PRR16: variants seen among roughly 807,000 people sequenced by gnomAD.
The protein encoded by PRR16 is protein Largen.
PRR16 carries 6 observed loss-of-function variants against 18.2 expected under a neutral mutation model. That is an observed-to-expected ratio of 0.33 (90% CI 0.18 to 0.65). The LOEUF is 0.65. PRR16 is among the 30% of genes least tolerant of loss of function. The probability of loss-of-function intolerance (pLI) is 0.74; values close to 1 mark genes in which losing one functional copy is unlikely to be tolerated. For synonymous variants in PRR16, 151 were observed against 147.8 expected (o/e 1.02, Z -0.16); for missense variants, 412 against 376.6 (o/e 1.09, Z -0.78).
At chr5:120,647,278 T>A (rs899359819) in intron 1 of PRR16, among the ~76,000 whole-genome samples, 2 of 151,960 alleles carry the variant, frequency 1.3e-5, no homozygotes, top group Non-Finnish European at 2.9e-5. Flanking sequence ...TTTAACCATA[T>A]ATTTGTAGAA....
chr5:120,529,344 T>A (rs73266188), intron 1 of PRR16, among the ~76,000 whole-genome samples: 1,977 of 152,218 alleles, frequency 0.013, 44 homozygotes, highest in African/African-American at 0.045. Flanking sequence ...AGCTACCTAT[T>A]TTTTTCTTTC....
the PRR16 span, among the ~76,000 whole-genome samples, chr5:120,725,427 A>G: frequency 5.9e-5 from 9 of 151,656 alleles, no homozygotes; most frequent in Non-Finnish European, 1.0e-4. Context: ...AGTCCAAGGC[A>G]GGAGGAACAC....
the PRR16 span, among the ~76,000 whole-genome samples, chr5:120,707,668 C>T: frequency 6.6e-6 from 1 of 152,104 alleles, no homozygotes; most frequent in Non-Finnish European, 1.5e-5. Flanking sequence ...AGGAAATTTC[C>T]GTTTACCCTC....
At chr5:120,721,985 T>C in the PRR16 span, among the ~76,000 whole-genome samples, 1 of 152,050 alleles carries the variant, frequency 6.6e-6, no homozygotes, top group African/African-American at 2.4e-5. Context: ...TAAGCTGTCA[T>C]CTACATGAGG....
At chr5:120,525,185 A>T (rs2112658135) in intron 1 of PRR16, among the ~76,000 whole-genome samples, 1 of 152,196 alleles carries the variant, frequency 6.6e-6, no homozygotes, top group South Asian at 2.1e-4. Flanking sequence ...CTTCAAAGTG[A>T]TATGTAAATA....
At chr5:120,655,821 C>T (rs567443304) in intron 1 of PRR16, among the ~76,000 whole-genome samples, 50 of 151,468 alleles carry the variant, frequency 3.3e-4, no homozygotes, top group South Asian at 6.3e-4. Context: ...GTGAGACACC[C>T]TCTTGAAGAT....
intron 1 of PRR16, among the ~76,000 whole-genome samples, chr5:120,583,313 ATGTG>A (rs35255792): frequency 0.059 from 8,839 of 148,974 alleles, 312 homozygotes; most frequent in Admixed American, 0.11. Flanking sequence ...ATACAAAATA[ATGTG>A]TGTGTGTGTG....
the PRR16 span, among the ~76,000 whole-genome samples, chr5:120,708,590 A>T: frequency 6.6e-6 from 1 of 152,228 alleles, no homozygotes; most frequent in East Asian, 1.9e-4. Context: ...ATAAAAGGGA[A>T]AGTGTAAAGG....
intron 1 of PRR16, among the ~76,000 whole-genome samples, chr5:120,650,089 G>A (rs367808969): frequency 4.4e-4 from 66 of 151,700 alleles, no homozygotes; most frequent in South Asian, 1.5e-3. Flanking sequence ...GTGGCAGCGC[G>A]CGTCTGTAGT....
chr5:120,671,934 A>G (rs868522047), intron 1 of PRR16, among the ~76,000 whole-genome samples: 1 of 152,238 alleles, frequency 6.6e-6, no homozygotes, highest in Non-Finnish European at 1.5e-5. Context: ...AGAGTCTAAT[A>G]TAAAAACACT....
chr5:120,654,556 A>C (rs949738665), intron 1 of PRR16, among the ~76,000 whole-genome samples: 6 of 151,974 alleles, frequency 3.9e-5, no homozygotes, highest in Non-Finnish European at 8.8e-5. Context: ...AAGCTAAAAA[A>C]AATCTCAAAT....
At chr5:120,783,050 A>C in the PRR16 span, among the ~76,000 whole-genome samples, 5 of 152,172 alleles carry the variant, frequency 3.3e-5, no homozygotes, top group Non-Finnish European at 7.3e-5. Context: ...CAGATTCCTT[A>C]GGCAGTGCTC....
At chr5:120,588,104 C>G (rs922384360) in intron 1 of PRR16, among the ~76,000 whole-genome samples, 1 of 152,132 alleles carries the variant, frequency 6.6e-6, no homozygotes, top group East Asian at 1.9e-4. Flanking sequence ...GAAGATATAA[C>G]TGAATTGCTG....
chr5:120,616,617 C>T (rs754141767), intron 1 of PRR16, among the ~76,000 whole-genome samples: 1 of 152,110 alleles, frequency 6.6e-6, no homozygotes, highest in South Asian at 2.1e-4. Flanking sequence ...ACATTAGTTG[C>T]GTGTTTATAT....
At chr5:120,530,043 C>G (rs1751493631) in intron 1 of PRR16, among the ~76,000 whole-genome samples, 1 of 150,370 alleles carries the variant, frequency 6.7e-6, no homozygotes, top group African/African-American at 2.4e-5. Context: ...AGTTTATATT[C>G]TTAAAACAAT....
chr5:120,770,299 A>G, the PRR16 span, among the ~76,000 whole-genome samples: 1 of 151,934 alleles, frequency 6.6e-6, no homozygotes, highest in Admixed American at 6.6e-5. Flanking sequence ...CCATTCATAC[A>G]CGATCAGTTG....
intron 1 of PRR16, among the ~76,000 whole-genome samples, chr5:120,648,387 T>C (rs1339291208): frequency 6.6e-6 from 1 of 152,148 alleles, no homozygotes; most frequent in Non-Finnish European, 1.5e-5. Flanking sequence ...AGATCAGTTA[T>C]GTTCCTGGTG....
the PRR16 span, among the ~76,000 whole-genome samples, chr5:120,733,179 T>A: frequency 6.6e-6 from 1 of 152,176 alleles, no homozygotes; most frequent in South Asian, 2.1e-4. Context: ...AGAGTCTTGT[T>A]CTGTCACCCA....
At chr5:120,784,288 A>G in the PRR16 span, among the ~76,000 whole-genome samples, 1 of 152,048 alleles carries the variant, frequency 6.6e-6, no homozygotes, top group Non-Finnish European at 1.5e-5. Context: ...TCTTCATACT[A>G]TTTTTCATAA....
Sources: gnomAD v4.1 joint callset for allele counts (sites outside exome capture counted in the v4.1 genomes callset) on GRCh38, gnomAD v4.1.1 for gene constraint, MANE v1.5 for transcripts, NCBI Gene and HGNC (gene_info 2026-07-23, HGNC 2026-07-21) for gene names.